The following ZNF414 variants were observed in gnomAD, a reference collection of about 807,000 sequenced individuals.
ZNF414 encodes the protein zinc finger protein 414.
A neutral mutation model predicts 38.3 loss-of-function variants in ZNF414; 32 were observed. That is an observed-to-expected ratio of 0.83 (90% CI 0.63 to 1.12). The LOEUF is 1.12. Ranked by LOEUF, ZNF414 falls within the 50% of genes most tolerant of loss-of-function variation. The probability of loss-of-function intolerance (pLI) is 0.00; values close to 1 mark genes in which losing one functional copy is unlikely to be tolerated. For missense variants in ZNF414, 589 were observed against 557.4 expected (o/e 1.06, Z -0.57); for synonymous variants, 256 against 248.0 (o/e 1.03, Z -0.30).
rs896730091 is a variant in ZNF414, at chr19:8,510,717, C to A, written c.1147G>T (p.Glu383Ter). ...PKVSPLLSEG[E>*]LPVFSQL The stretch of plus-strand genomic sequence containing the variant: ...CAGAGCTGCGAGAACACTGGAAGCT[C>A]CCCCTCTGACAGCAGCGGCGACACC... The change falls in exon 8 of 8, where the codon GAG (glutamate) becomes TAG (stop). Residue 383 changes from glutamate to a stop codon, truncating the protein, a stop_gained. Transcript: ENST00000393927. LOFTEE classifies it high-confidence loss of function. 3.2e-6 allele frequency: 5 copies of A among 1,549,318 alleles called. No individual in the cohort carries two copies. The highest frequency in any genetic ancestry group is 2.6e-6 in the Non-Finnish European group (3 of 1,145,686).
At chr19:8,511,216 T>A (rs1971908484) in intron 6 of ZNF414, 192 bp from the exon 7 acceptor site, 2 of 1,321,434 alleles carry the variant, frequency 1.5e-6, no homozygotes, top group Admixed American at 3.7e-5. Flanking sequence ...CTTCTCCGCG[T>A]CCCCTACTAT....
At position 8,511,820 on chromosome 19, in the gene ZNF414, G is replaced by GA; in HGVS notation, c.670_671insT (p.Pro224LeufsTer4). ...CGGCGCTGATGCGGGGTCAACCTCC[G>GA]GGGGGCGCTCCGGCGCGGGCGGCTC... On this transcript the variant is annotated frameshift_variant, in exon 5 of 8. Coordinates refer to ENST00000393927, the MANE Select transcript of ZNF414 (RefSeq NM_001146175.2). LOFTEE classifies it high-confidence loss of function. 7.1e-7 allele frequency: 1 copy of GA among 1,400,814 alleles called. No individual in the cohort carries two copies. Among genetic ancestry groups the GA allele is most frequent in the Non-Finnish European group, 9.2e-7 (1 of 1,085,914 alleles). The allele number at this position is 1,400,814 out of a possible 1,614,324, so 86.8% of individuals were successfully genotyped here.
intron 6 of ZNF414, 90 bp downstream of exon 6, chr19:8,511,396 G>A (rs1225949123): frequency 8.5e-6 from 13 of 1,537,386 alleles, no homozygotes; most frequent in African/African-American, 1.4e-5. Flanking sequence ...GGAAGGGGAT[G>A]AGCACTGCTG....
At chr19:8,511,592 T>A in intron 5 of ZNF414, 25 bp downstream of exon 5, 1 of 1,527,732 alleles carries the variant, frequency 6.5e-7, no homozygotes, top group East Asian at 2.4e-5. Flanking sequence ...CCAGCCCTCC[T>A]GGAGGCCCCC....
Position 8,510,899 on chromosome 19 carries a change from C to A in ZNF414, c.1051G>T (p.Ala351Ser). Residue 351 changes from alanine (A) to serine (S), a missense_variant, in exon 7 of 8, where the codon GCC becomes TCC. By Grantham distance (99) the Ala-to-Ser change is moderately conservative. Transcript: ENST00000393927. ...TLHLEDHRPGAPAAPAAGPPR... is the reference protein window; with the variant it reads ...TLHLEDHRPGSPAAPAAGPPR... The stretch of plus-strand genomic sequence containing the variant: ...GGCCCGGCCGCGGGGGCCGCGGGGG[C>A]GCCGGGGCGGTGGTCCTCCAGGTGC... 8.6e-7 allele frequency: 1 copy of A among 1,166,758 alleles called. No individual in the cohort carries two copies. Among genetic ancestry groups the A allele is most frequent in the Non-Finnish European group, 1.1e-6 (1 of 944,288 alleles). 72.3% of individuals were successfully genotyped at this position (1,166,758 alleles called of 1,614,324 possible).
intron 6 of ZNF414, 46 bp from the exon 7 acceptor site, chr19:8,511,070 G>A (rs1294444605): frequency 1.6e-6 from 2 of 1,284,944 alleles, no homozygotes; most frequent in Admixed American, 3.8e-5. Context: ...CCCCAGCCCA[G>A]AAGACCCGTG....
intron 4 of ZNF414, 40 bp from the exon 5 acceptor site, chr19:8,512,000 G>A (rs1353392548): frequency 1.9e-5 from 27 of 1,395,704 alleles, no homozygotes; most frequent in Non-Finnish European, 2.5e-5. Context: ...TGGGCCTCCA[G>A]GGGCACCAGG....
At chr19:8,512,873 G>A (rs1387972433) in intron 2 of ZNF414, 156 bp downstream of exon 2, 2 of 1,214,802 alleles carry the variant, frequency 1.6e-6, no homozygotes, top group Non-Finnish European at 2.2e-6. Context: ...GGACTGGCCA[G>A]GCTCACCATT....
Position 8,511,605 on chromosome 19 carries a change from C to G in ZNF414, c.874+12G>C. 6.6e-7 allele frequency: 1 copy of G among 1,518,052 alleles called. No individual in the cohort carries two copies. The highest frequency in any genetic ancestry group is 1.3e-5 in the South Asian group (1 of 77,710). 94.0% of individuals were successfully genotyped at this position (1,518,052 alleles called of 1,614,324 possible). Reference sequence around the variant, plus strand: ...AGCCAGCCCTCCTGGAGGCCCCCGACCCCACACTCACCTTGGCTCTTTTTC... The same window carrying G: ...AGCCAGCCCTCCTGGAGGCCCCCGAGCCCACACTCACCTTGGCTCTTTTTC... On this transcript the variant is annotated intron_variant, in intron 5 of 7. Coordinates refer to ENST00000393927, the MANE Select transcript of ZNF414 (RefSeq NM_001146175.2).
intron 1 of ZNF414, among the ~76,000 whole-genome samples, chr19:8,513,815 G>A (rs1241721941): frequency 1.3e-5 from 2 of 152,222 alleles, no homozygotes; most frequent in African/African-American, 2.4e-5. Context: ...GACAATCTTG[G>A]AGGTGCTGGG....
intron 2 of ZNF414, 69 bp from the exon 3 acceptor site, chr19:8,512,780 T>G: frequency 1.4e-6 from 2 of 1,384,886 alleles, no homozygotes; most frequent in Non-Finnish European, 1.9e-6. Context: ...CCCAGGGTTC[T>G]GCCCCAGAGA....
chr19:8,510,796 C>T, intron 7 of ZNF414, 32 bp from the exon 8 acceptor site: 4 of 1,521,932 alleles, frequency 2.6e-6, no homozygotes, highest in Non-Finnish European at 3.5e-6. Flanking sequence ...GGCGCCTGAG[C>T]CTCAGCGCCT....
At chr19:8,512,855 C>T in intron 2 of ZNF414, 144 bp from the exon 3 acceptor site, 2 of 1,178,030 alleles carry the variant, frequency 1.7e-6, no homozygotes, top group Non-Finnish European at 2.3e-6. Context: ...TGCCACAGTG[C>T]AGGGGCTGGA....
intron 1 of ZNF414, among the ~76,000 whole-genome samples, chr19:8,513,817 G>A (rs1459251394): frequency 1.3e-5 from 2 of 152,236 alleles, no homozygotes; most frequent in African/African-American, 2.4e-5. Flanking sequence ...CAATCTTGGA[G>A]GTGCTGGGGG....
In ZNF414 at chr19:8,511,275, G is replaced by T. The variant is rs905468677; in HGVS notation, c.925+211C>A. ...AGAAGCCCGCTCCGAGGTGAACGGT[G>T]AAAGGGGCGCAAGGTTTATACGGGA... On this transcript the variant is annotated intron_variant, in intron 6 of 7. Coordinates refer to ENST00000393927, the MANE Select transcript of ZNF414 (RefSeq NM_001146175.2). 5.7e-6 allele frequency: 8 copies of T among 1,402,530 alleles called. No individual in the cohort carries two copies. The Admixed American group carries it at 2.2e-4, about 38-fold the overall frequency. 86.9% of individuals were successfully genotyped at this position (1,402,530 alleles called of 1,614,324 possible).
At chr19:8,513,720 A>G (rs1459882438) in intron 1 of ZNF414, among the ~76,000 whole-genome samples, 11 of 152,084 alleles carry the variant, frequency 7.2e-5, no homozygotes, top group Non-Finnish European at 1.6e-4. Context: ...AGGCGGGGCT[A>G]TGGGCAGGCA....
rs2145805977 is a variant in ZNF414 at position 8,510,993 on chromosome 19, C to T, written c.957G>A (p.Glu319=). The T allele has an allele frequency of 2.3e-6, 3 of 1,277,136 alleles. No individual in the cohort carries two copies. The highest frequency in any genetic ancestry group is 3.0e-6 in the Non-Finnish European group (3 of 1,011,726). The allele number at this position is 1,277,136 out of a possible 1,614,324, so 79.1% of individuals were successfully genotyped here. A position where few individuals can be genotyped will look rare whatever the true frequency, so the allele number is the denominator to read the frequency against. Residue 319 remains glutamate (E), a synonymous_variant, in exon 7 of 8, where the codon GAG becomes GAA. Coordinates refer to ENST00000393927, the MANE Select transcript of ZNF414 (RefSeq NM_001146175.2). ...GHAAPSRIVW[E]HTRGRYSCMQ... is the part of the protein sequence containing the mutation. ...TGCACGAGTAGCGGCCGCGTGTGTG[C>T]TCCCACACGATGCGGCTCGGGGCCG... is the stretch of plus-strand genomic sequence containing the variant.
At position 8,513,203 on chromosome 19, in the gene ZNF414, C is replaced by T. The variant is rs1971943404; in HGVS notation, c.142G>A (p.Glu48Lys). ...CACACTGGCGGTGTGGCTGCCTGCT[C>T]AGGGCCTGGCTCCTCCGACATGGAG... Reference protein sequence around the residue: ...SSSMSEEPGPEQAATPPVWER... With the variant: ...SSSMSEEPGPKQAATPPVWER... The change falls in exon 2 of 8, where the codon GAG becomes AAG. Residue 48 changes from glutamate to lysine, a missense_variant. Physicochemically the swap from Glu to Lys is moderately conservative, Grantham distance 56. Transcript: ENST00000393927. 2 of 1,569,084 alleles carry T rather than the reference C, an allele frequency of 1.3e-6. No individual in the cohort carries two copies. The highest frequency in any genetic ancestry group is 2.7e-5 in the African/African-American group (2 of 74,208).
At chr19:8,511,202 T>C in intron 6 of ZNF414, 178 bp from the exon 7 acceptor site, 3 of 1,316,550 alleles carry the variant, frequency 2.3e-6, no homozygotes, top group Non-Finnish European at 2.9e-6. Context: ...GGCACCCAAC[T>C]TGGCTTCTCC....
Sources: gnomAD v4.1 joint callset for allele counts (sites outside exome capture counted in the v4.1 genomes callset) on GRCh38, gnomAD v4.1.1 for gene constraint, MANE v1.5 for transcripts, NCBI Gene and HGNC (gene_info 2026-07-23, HGNC 2026-07-21) for gene names.